The following IGSF11 variants were observed in gnomAD, a reference collection of about 807,000 sequenced individuals.
IGSF11 encodes CXADR like 1.
In IGSF11, 22 loss-of-function variants were observed where a neutral mutation model predicts 41.0. The observed-to-expected ratio is 0.54, with a 90% confidence interval of 0.38 to 0.77. The LOEUF (loss-of-function observed/expected upper bound fraction) is 0.77, where lower values mean the gene tolerates loss of function less well. Among genes scored for constraint, IGSF11 ranks in the 30% least tolerant of loss-of-function variants. The pLI is 0.00. For synonymous variants in IGSF11, 219 were observed against 201.3 expected (o/e 1.09, Z -0.74); for missense variants, 444 against 530.8 (o/e 0.84, Z 1.61).
intron 1 of IGSF11, among the ~76,000 whole-genome samples, chr3:119,066,555 T>G (rs1259542631): frequency 6.6e-6 from 1 of 152,214 alleles, no homozygotes; most frequent in Non-Finnish European, 1.5e-5. Flanking sequence ...TCAGAGCCAA[T>G]TGTTAAATAT....
chr3:119,136,065 G>C (rs2077557048), intron 1 of IGSF11, among the ~76,000 whole-genome samples: 1 of 152,146 alleles, frequency 6.6e-6, no homozygotes, highest in African/African-American at 2.4e-5. Context: ...ACCTGTCATG[G>C]GCTTGGGGGC....
chr3:119,007,958 C>T (rs17678226), intron 1 of IGSF11, among the ~76,000 whole-genome samples: 2,411 of 152,220 alleles, frequency 0.016, 32 homozygotes, highest in Non-Finnish European at 0.026. Flanking sequence ...CTAAAATAGC[C>T]TTATCAAAGT....
intron 1 of IGSF11, among the ~76,000 whole-genome samples, chr3:119,064,019 A>G (rs1942140139): frequency 6.6e-6 from 1 of 152,188 alleles, no homozygotes; most frequent in South Asian, 2.1e-4. Context: ...AGTGGTCCAG[A>G]AAGTGCAGAG....
intron 4 of IGSF11, among the ~76,000 whole-genome samples, chr3:118,916,189 C>T (rs1327841598): frequency 6.6e-6 from 1 of 150,662 alleles, no homozygotes; most frequent in African/African-American, 2.5e-5. Flanking sequence ...TAGGAAGAAA[C>T]TGCATCAACT....
At chr3:119,045,045 C>T (rs901483519) in intron 1 of IGSF11, among the ~76,000 whole-genome samples, 3 of 152,188 alleles carry the variant, frequency 2.0e-5, no homozygotes, top group East Asian at 3.8e-4. Flanking sequence ...AACAGTACCT[C>T]ACATCTCAAT....
intron 1 of IGSF11, among the ~76,000 whole-genome samples, chr3:119,114,268 T>G (rs2077226140): frequency 6.6e-6 from 1 of 152,260 alleles, no homozygotes. Flanking sequence ...TTTTCCTTTT[T>G]GCCACATGGC....
At chr3:119,049,919 A>G (rs1382188395) in intron 1 of IGSF11, among the ~76,000 whole-genome samples, 2 of 147,512 alleles carry the variant, frequency 1.4e-5, no homozygotes, top group African/African-American at 5.0e-5. Flanking sequence ...TATTTAATAA[A>G]TGGTGCTGGG....
chr3:119,090,365 C>G (rs991998958), intron 1 of IGSF11, among the ~76,000 whole-genome samples: 3 of 152,164 alleles, frequency 2.0e-5, no homozygotes, highest in Non-Finnish European at 2.9e-5. Flanking sequence ...TCATCCTTCA[C>G]AGAATTAGAA....
intron 1 of IGSF11, among the ~76,000 whole-genome samples, chr3:118,993,518 T>C (rs539887368): frequency 1.4e-3 from 216 of 152,264 alleles, no homozygotes; most frequent in Non-Finnish European, 2.8e-3. Flanking sequence ...ATATGCAAGA[T>C]AAATAAAAAC....
At chr3:119,026,046 G>A (rs900642126) in intron 1 of IGSF11, among the ~76,000 whole-genome samples, 12 of 152,038 alleles carry the variant, frequency 7.9e-5, no homozygotes, top group South Asian at 6.2e-4. Flanking sequence ...CGAGGTGGGC[G>A]GATCACAAGG....
intron 1 of IGSF11, among the ~76,000 whole-genome samples, chr3:118,984,162 T>G (rs9848498): frequency 0.023 from 3,482 of 149,414 alleles, 129 homozygotes; most frequent in African/African-American, 0.083. Context: ...GCTTTGTAAT[T>G]TCTGAAATTC....
chr3:119,054,601 C>T lies in IGSF11; in HGVS notation c.49+50543G>A, dbSNP rs140335710. On this transcript the variant is annotated intron_variant, in intron 1 of 6. Transcript: ENST00000354673. ...CTGGTGGGAATGTAAACTAGTACAA[C>T]CACTATGGAAAACAGTGTAGAGGCT... is the stretch of plus-strand genomic sequence containing the variant. Among the ~76,000 whole-genome samples the T allele has an allele frequency of 3.0e-4, 46 of 152,272 alleles. No individual in the cohort carries two copies. The East Asian group carries it at 8.1e-3, about 27-fold the overall frequency.
In IGSF11 at chr3:118,930,274, A is replaced by G; in HGVS notation, c.54T>C (p.Gly18=). 6.2e-7 allele frequency: 1 copy of G among 1,611,148 alleles called. No homozygotes were observed. The highest frequency in any genetic ancestry group is 8.5e-7 in the Non-Finnish European group (1 of 1,178,698). Residue 18 remains glycine, a splice_region_variant and synonymous_variant, in exon 2 of 7, where the codon GGT becomes GGC. Transcript: ENST00000393775. ...CTGACACTTCCAGGGATGCTGCAACACCTACAGAAGAAGGAACAGGGAGGT... is the reference window on the plus strand; with the variant it reads ...CTGACACTTCCAGGGATGCTGCAACGCCTACAGAAGAAGGAACAGGGAGGT... ...LAPLLLLSLH[G]VAASLEVSES...
chr3:118,932,338 CA>C (rs1243733109), intron 1 of IGSF11, among the ~76,000 whole-genome samples: 1 of 152,064 alleles, frequency 6.6e-6, no homozygotes, highest in African/African-American at 2.4e-5. Flanking sequence ...TCAATTCTCT[CA>C]AAAAAGTAAC....
At chr3:119,001,844 G>T (rs80241901) in intron 1 of IGSF11, among the ~76,000 whole-genome samples, 27 of 133,016 alleles carry the variant, frequency 2.0e-4, no homozygotes, top group Non-Finnish European at 3.6e-4. Flanking sequence ...GTGTATATGT[G>T]CCACATTTTC....
chr3:119,009,837 G>A (rs1463539859), intron 1 of IGSF11, among the ~76,000 whole-genome samples: 1 of 152,072 alleles, frequency 6.6e-6, no homozygotes, highest in Non-Finnish European at 1.5e-5. Flanking sequence ...TTGGGAAAAG[G>A]CAAGGTACTA....
intron 1 of IGSF11, among the ~76,000 whole-genome samples, chr3:119,086,474 G>A (rs1341717987): frequency 6.6e-6 from 1 of 151,052 alleles, no homozygotes; most frequent in East Asian, 1.9e-4. Context: ...AAAAGTCCAA[G>A]TTGGAGGGGG....
chr3:118,958,490 G>A (rs543333846), intron 1 of IGSF11, among the ~76,000 whole-genome samples: 13 of 152,222 alleles, frequency 8.5e-5, no homozygotes, highest in Non-Finnish European at 1.8e-4. Context: ...TTATAGCCAT[G>A]CATTTCATTA....
chr3:119,094,006 G>C (rs1319329852), intron 1 of IGSF11, among the ~76,000 whole-genome samples: 3 of 151,792 alleles, frequency 2.0e-5, no homozygotes, highest in Non-Finnish European at 4.4e-5. Context: ...GATCTTAAGA[G>C]ATTTTAAGAG....
Sources: gnomAD v4.1 joint callset for allele counts (sites outside exome capture counted in the v4.1 genomes callset) on GRCh38, gnomAD v4.1.1 for gene constraint, MANE v1.5 for transcripts, NCBI Gene and HGNC (gene_info 2026-07-23, HGNC 2026-07-21) for gene names.